CLIP1: variants seen among roughly 807,000 people sequenced by gnomAD.
CLIP1 encodes CAP-Gly domain-containing linker protein 1.
CLIP1 carries 66 observed loss-of-function variants against 161.6 expected under a neutral mutation model. That is an observed-to-expected ratio of 0.41 (90% CI 0.33 to 0.50). CLIP1 has a LOEUF of 0.50. CLIP1 is among the 20% of genes least tolerant of loss of function. CLIP1 has a pLI of 0.27. For missense variants in CLIP1, 1,376 were observed against 1,702.0 expected, an observed-to-expected ratio of 0.81 and a Z score of 3.37; for synonymous variants, 598 against 626.2, an observed-to-expected ratio of 0.96 and a Z score of 0.67.
intron 16 of CLIP1, 45 bp downstream of exon 16, chr12:122,328,216 C>T: frequency 6.2e-7 from 1 of 1,613,366 alleles, no homozygotes; most frequent in Non-Finnish European, 8.5e-7. Flanking sequence ...TGTACTATCC[C>T]TTGCCTTCCT....
At position 122,334,669 on chromosome 12, in the gene CLIP1, A is replaced by C. The variant is rs1487676067; in HGVS notation, c.2605T>G (p.Ser869Ala). ...KFAEASEEAV[S>A]VQRSMQETVN... Reference sequence around the variant, plus strand: ...ATACCTTGCATACTTCTCTGAACAGAGACTGCCTCCTCTGAAGCTTCAGCA... The same window carrying C: ...ATACCTTGCATACTTCTCTGAACAGCGACTGCCTCCTCTGAAGCTTCAGCA... The change falls in exon 13 of 26, where the codon TCT becomes GCT. Residue 869 changes from serine (S) to alanine (A), a missense_variant. Physicochemically the swap from Ser to Ala is moderately conservative, Grantham distance 99. This residue lies in a region of CLIP1 where 948 missense variants were observed against 1,134.8 expected (regional missense o/e 0.84). Coordinates refer to ENST00000620786, the MANE Select transcript of CLIP1 (RefSeq NM_001247997.2). 3 of 1,588,534 alleles carry C rather than the reference A, an allele frequency of 1.9e-6. No homozygotes were observed. The African/African-American group carries it at 4.0e-5, about 21-fold the overall frequency.
chr12:122,316,022 AGG>A lies in CLIP1; in HGVS notation c.3473+725_3473+726del, dbSNP rs1951254765. ...TTTTCCCCCTATAAAAAGAGTTTTG[AGG>A]GACTTGCTAATGAAGGGTCTGACAT... On this transcript the variant is annotated intron_variant, in intron 19 of 25. Coordinates refer to ENST00000620786, the MANE Select transcript of CLIP1 (RefSeq NM_001247997.2). Among the ~76,000 whole-genome samples, 3 of 151,960 alleles carry A rather than the reference AGG, an allele frequency of 2.0e-5. No homozygotes were observed. The South Asian group carries it at 6.2e-4, about 32-fold the overall frequency.
Position 122,345,854 on chromosome 12 carries a change from C to G in CLIP1, c.1506+1521G>C, listed in dbSNP as rs542677821. Among the ~76,000 whole-genome samples the G allele has an allele frequency of 9.2e-5, 14 of 151,528 alleles. No individual in the cohort carries two copies. In the South Asian group the frequency reaches 2.7e-3, roughly 29 times the overall value. ...AGGCTGGAGTGCAATGGCGTGATCT[C>G]GGCTCACCGCAACCTCTGCCTCCCA... On this transcript the variant is annotated intron_variant, in intron 10 of 25. Transcript: ENST00000620786.
At chr12:122,314,183 C>T (rs1239847861) in intron 19 of CLIP1, among the ~76,000 whole-genome samples, 3 of 149,484 alleles carry the variant, frequency 2.0e-5, no homozygotes, top group African/African-American at 2.5e-5. Flanking sequence ...CCCAGCTGCT[C>T]GGGAGGCTGA....
chr12:122,273,054 C>T lies in CLIP1; in HGVS notation c.4138G>A (p.Asp1380Asn). ...QSKKKPRLFCDICDCFDLHDT... is the reference protein window; with the variant it reads ...QSKKKPRLFCNICDCFDLHDT... Reference sequence around the variant, plus strand: ...TGGAGATCAAAGCAGTCACAAATGTCACAGAAGAGGCGAGGTTTCTTCTTG... The same window carrying T: ...TGGAGATCAAAGCAGTCACAAATGTTACAGAAGAGGCGAGGTTTCTTCTTG... Residue 1380 changes from aspartate to asparagine, a missense_variant, in exon 26 of 26, where the codon GAC becomes AAC. Asp to Asn is a conservative substitution (Grantham distance 23). Coordinates refer to ENST00000620786, the MANE Select transcript of CLIP1 (RefSeq NM_001247997.2). 1 of 1,614,152 alleles carries T rather than the reference C, an allele frequency of 6.2e-7. No individual in the cohort carries two copies. The highest frequency in any genetic ancestry group is 8.5e-7 in the Non-Finnish European group (1 of 1,180,036).
At chr12:122,390,297 T>TAC in intron 1 of CLIP1, among the ~76,000 whole-genome samples, 1 of 133,404 alleles carries the variant, frequency 7.5e-6, no homozygotes, top group African/African-American at 2.8e-5. Context: ...TATATATATA[T>TAC]ATATATGTAT....
intron 1 of CLIP1, among the ~76,000 whole-genome samples, chr12:122,420,810 C>T (rs1225873851): frequency 6.6e-6 from 1 of 151,796 alleles, no homozygotes; most frequent in African/African-American, 2.4e-5. Context: ...GTGGCGGGCA[C>T]CTGTAATTCC....
rs145140413 is a variant in CLIP1 at position 122,341,672 on chromosome 12, C to T, written c.1532G>A (p.Arg511His). 4.2e-5 allele frequency: 67 copies of T among 1,579,784 alleles called. No individual in the cohort carries two copies. Among genetic ancestry groups the T allele is most frequent in the Middle Eastern group, 3.4e-4 (2 of 5,938 alleles). Residue 511 changes from arginine to histidine, a missense_variant, in exon 11 of 26, where the codon CGT becomes CAT. Coordinates refer to ENST00000620786, the MANE Select transcript of CLIP1 (RefSeq NM_001247997.2). Reference sequence around the variant, plus strand: ...TAGGTCTTTCTCCAGTTCCATTATACGTGACTTTTCTGAAACTGTAGCCAC... The same window carrying T: ...TAGGTCTTTCTCCAGTTCCATTATATGTGACTTTTCTGAAACTGTAGCCAC... ...TRVATVSEKS[R>H]IMELEKDLAL...
At chr12:122,360,544 C>G (rs1191251071) in intron 5 of CLIP1, among the ~76,000 whole-genome samples, 1 of 151,870 alleles carries the variant, frequency 6.6e-6, no homozygotes, top group African/African-American at 2.4e-5. Context: ...AAGTGAGACC[C>G]TGACTCAAAA....
intron 3 of CLIP1, among the ~76,000 whole-genome samples, chr12:122,366,838 C>T (rs896326024): frequency 6.6e-6 from 1 of 151,908 alleles, no homozygotes; most frequent in Non-Finnish European, 1.5e-5. Flanking sequence ...GAGACCTTGT[C>T]TCAAAAAAAA....
intron 7 of CLIP1, among the ~76,000 whole-genome samples, chr12:122,353,255 T>G (rs1046508125): frequency 6.6e-6 from 1 of 152,124 alleles, no homozygotes; most frequent in Non-Finnish European, 1.5e-5. Context: ...GGTGGGAGGA[T>G]TGCTTGAGCC....
chr12:122,418,262 G>C (rs968654818), intron 1 of CLIP1, among the ~76,000 whole-genome samples: 1 of 152,042 alleles, frequency 6.6e-6, no homozygotes, highest in Non-Finnish European at 1.5e-5. Context: ...AATACCAAAT[G>C]AGATCTAATT....
At chr12:122,387,574 ATATATATATATATATATT>A (rs1330756254) in intron 1 of CLIP1, among the ~76,000 whole-genome samples, 15 of 3,534 alleles carry the variant, frequency 4.2e-3, no homozygotes, top group African/African-American at 7.1e-3. Flanking sequence ...ATATATATAT[ATATATATATATATATATT>A]TTTTTTTTTT....
chr12:122,333,970 T>G, intron 14 of CLIP1, 57 bp downstream of exon 14: 1 of 1,054,354 alleles, frequency 9.5e-7, no homozygotes, highest in South Asian at 1.3e-5. Flanking sequence ...TACAACTGTC[T>G]CGAATACGGG....
At chr12:122,301,811 A>C (rs1353862152) in intron 20 of CLIP1, among the ~76,000 whole-genome samples, 2 of 152,082 alleles carry the variant, frequency 1.3e-5, no homozygotes, top group Non-Finnish European at 2.9e-5. Flanking sequence ...CTTTATTTTG[A>C]TTCATGTCTT....
Position 122,311,883 on chromosome 12 carries a change from A to G in CLIP1, c.3474-2001T>C, listed in dbSNP as rs934873055. The stretch of plus-strand genomic sequence containing the variant: ...AATCATAAAGCCAGAAAGCAGCAAA[A>G]CCACAAGAACAGGAGCTACAGCTGG... On this transcript the variant is annotated intron_variant, in intron 19 of 25. Coordinates refer to ENST00000620786, the MANE Select transcript of CLIP1 (RefSeq NM_001247997.2). This position sits in a 1 kb window ranked among gnomAD's most constrained non-coding sequence, Gnocchi z 4.3. Among the ~76,000 whole-genome samples, 4 of 152,170 alleles carry G rather than the reference A, an allele frequency of 2.6e-5. No homozygotes were observed. Among genetic ancestry groups the G allele is most frequent in the Non-Finnish European group, 5.9e-5 (4 of 68,034 alleles).
chr12:122,390,044 C>T (rs1237332894), intron 1 of CLIP1, among the ~76,000 whole-genome samples: 6 of 148,996 alleles, frequency 4.0e-5, no homozygotes, highest in African/African-American at 1.5e-4. Flanking sequence ...GCCTGTTCCC[C>T]CTTTGCCTTC....
intron 20 of CLIP1, among the ~76,000 whole-genome samples, chr12:122,303,188 T>C (rs754949190): frequency 1.0e-3 from 152 of 152,246 alleles, no homozygotes; most frequent in Non-Finnish European, 1.9e-3. Flanking sequence ...CTTTGAACAG[T>C]TGTTTTGTTT....
rs149205005 is a variant in CLIP1 at position 122,394,375 on chromosome 12, G to A, written c.-106-13817C>T. Among the ~76,000 whole-genome samples the A allele has an allele frequency of 9.9e-3, 1,472 of 149,262 alleles. 24 individuals are homozygous for A. Among genetic ancestry groups the A allele is most frequent in the African/African-American group, 0.035 (1,403 of 40,554 alleles). ...GTGGTGGCACGTGCCTATAATCCCA[G>A]TTACTCTGGAGGCTCAGGCACGAGA... On this transcript the variant is annotated intron_variant, in intron 1 of 25. Coordinates refer to ENST00000620786, the MANE Select transcript of CLIP1 (RefSeq NM_001247997.2).
Sources: allele counts gnomAD v4.1 joint callset (sites outside exome capture counted in the v4.1 genomes callset), GRCh38; gene constraint gnomAD v4.1.1; regional missense constraint gnomAD v4.1.1; non-coding constraint Gnocchi (gnomAD v3.1); transcripts MANE v1.5; gene names NCBI Gene and HGNC (gene_info 2026-07-23, HGNC 2026-07-21).